ATG2B: variants seen among roughly 807,000 people sequenced by gnomAD.
The protein encoded by ATG2B is autophagy-related protein 2 homolog B.
A neutral mutation model predicts 241.3 loss-of-function variants in ATG2B; 121 were observed. The ratio of observed to expected loss-of-function variants is 0.50; its 90% confidence interval spans 0.43 to 0.58. The LOEUF (loss-of-function observed/expected upper bound fraction) is 0.58. Ranked by LOEUF, ATG2B falls within the 20% of genes least tolerant of loss-of-function variation. ATG2B has a pLI of 0.00. For synonymous variants in ATG2B, 858 were observed against 876.6 expected, an observed-to-expected ratio of 0.98 and a Z score of 0.37; for missense variants, 2,306 against 2,491.6, an observed-to-expected ratio of 0.93 and a Z score of 1.59.
At chr14:96,343,061 C>CA in intron 5 of ATG2B, 58 bp downstream of exon 5, 3 of 1,357,408 alleles carry the variant, frequency 2.2e-6, no homozygotes, top group Non-Finnish European at 2.9e-6. Context: ...TAATAGCCCC[C>CA]ATTTAAACCT....
At chr14:96,309,716 CATT>C (rs1887097763) in intron 28 of ATG2B, 122 bp from the exon 29 acceptor site, 1 of 924,268 alleles carries the variant, frequency 1.1e-6, no homozygotes, top group South Asian at 2.3e-5. Flanking sequence ...GAAACCTACT[CATT>C]TTTCTATGCC....
chr14:96,284,319 A>G lies in ATG2B; in HGVS notation c.*1436T>C, dbSNP rs147991990. On this transcript the variant is annotated 3_prime_UTR_variant, in exon 42 of 42. Transcript: ENST00000359933. ...GTTTTTTGGCAGTAAAAAGGAAACTAAAATTAAAAGCTATATAACCCCATT... is the reference window on the plus strand; with the variant it reads ...GTTTTTTGGCAGTAAAAAGGAAACTGAAATTAAAAGCTATATAACCCCATT... 6.6e-6 allele frequency: 1 copy of G among 152,228 alleles called. No homozygotes were observed. Among genetic ancestry groups the G allele is most frequent in the Non-Finnish European group, 1.5e-5 (1 of 68,030 alleles). The allele number at this position is 152,228 out of a possible 1,614,324, so 9.4% of individuals were successfully genotyped here. A position where few individuals can be genotyped will look rare whatever the true frequency, so the allele number is the denominator to read the frequency against.
In ATG2B at chr14:96,345,085, A is replaced by G; in HGVS notation, c.478+148T>C. 6.5e-6 allele frequency: 4 copies of G among 617,670 alleles called. No homozygotes were observed. In the South Asian group the frequency reaches 9.7e-5, roughly 15 times the overall value. 38.3% of individuals were successfully genotyped at this position (617,670 alleles called of 1,614,324 possible). A position where few individuals can be genotyped will look rare whatever the true frequency, so the allele number is the denominator to read the frequency against. ...CATGCAATTAAATGGAATATTTAAA[A>G]TACCTCAATTCTAAAGTTCTGAAGT... On this transcript the variant is annotated intron_variant, in intron 3 of 41. Transcript: ENST00000359933.
chr14:96,316,615 T>C lies in ATG2B; in HGVS notation c.3279A>G (p.Leu1093=). 6.2e-7 allele frequency: 1 copy of C among 1,613,454 alleles called. No homozygotes were observed. The highest frequency in any genetic ancestry group is 8.5e-7 in the Non-Finnish European group (1 of 1,179,692). The stretch of plus-strand genomic sequence containing the variant: ...AACCTTCATATTTTGTCACACAAAA[T>C]AATGAACCACTATTGAACTCTAACC... ...EFWLEFNSGS[L]FCVTKYEGFD... The change falls in exon 21 of 42, where the codon TTA becomes TTG. Residue 1093 remains leucine, a synonymous_variant. Transcript: ENST00000359933.
At chr14:96,302,374 A>G (rs973904083) in intron 33 of ATG2B, among the ~76,000 whole-genome samples, 1 of 151,982 alleles carries the variant, frequency 6.6e-6, no homozygotes, top group Non-Finnish European at 1.5e-5. Context: ...ACTTGAGTTC[A>G]GGAGTTCCAG....
At chr14:96,349,749 T>C (rs1200863632) in intron 1 of ATG2B, among the ~76,000 whole-genome samples, 2 of 152,060 alleles carry the variant, frequency 1.3e-5, no homozygotes, top group Non-Finnish European at 2.9e-5. Flanking sequence ...GAAGTTCACT[T>C]CCAAAGTACA....
intron 41 of ATG2B, 42 bp from the exon 42 acceptor site, chr14:96,286,027 A>C: frequency 6.5e-7 from 1 of 1,528,596 alleles, no homozygotes; most frequent in Non-Finnish European, 9.0e-7. Flanking sequence ...GGCAGTGAAC[A>C]AACTCTGGTC....
intron 1 of ATG2B, among the ~76,000 whole-genome samples, chr14:96,358,191 T>TG (rs1027974761): frequency 8.6e-5 from 13 of 151,648 alleles, no homozygotes; most frequent in South Asian, 2.1e-4. Context: ...TTCCAGAAAC[T>TG]GGGGGGGGCT....
At chr14:96,329,731 C>A in intron 11 of ATG2B, 97 bp from the exon 12 acceptor site, 1 of 688,478 alleles carries the variant, frequency 1.5e-6, no homozygotes, top group Non-Finnish European at 2.3e-6. Flanking sequence ...ATTAATACTC[C>A]TAAGGAAATT....
rs1475648431 is a variant in ATG2B, at chr14:96,329,569, C to T, written c.1796G>A (p.Ser599Asn). The change falls in exon 12 of 42, where the codon AGT becomes AAT. Residue 599 changes from serine (S) to asparagine (N), a missense_variant. This residue lies in a region of ATG2B where 1,927 missense variants were observed against 2,011.2 expected (regional missense o/e 0.96). Transcript: ENST00000359933. ...CATTTGCCCAATGGACATATCAGTA[C>T]TAAAATATCGGGAAGCTGATCTTTG... ...QRQRSASRYF[S>N]TDMSIGQMEF... 9 of 1,611,300 alleles carry T rather than the reference C, an allele frequency of 5.6e-6. No homozygotes were observed. The highest frequency in any genetic ancestry group is 4.5e-5 in the East Asian group (2 of 44,754).
At chr14:96,320,078 A>T (rs1233227348) in intron 18 of ATG2B, among the ~76,000 whole-genome samples, 1 of 152,170 alleles carries the variant, frequency 6.6e-6, no homozygotes, top group Non-Finnish European at 1.5e-5. Flanking sequence ...ATTAACAGAT[A>T]CATACTCTAA....
chr14:96,308,280 A>ATT (rs1566719988), intron 29 of ATG2B, among the ~76,000 whole-genome samples: 4 of 28,652 alleles, frequency 1.4e-4, no homozygotes, highest in South Asian at 1.8e-3. Context: ...ATATATATAT[A>ATT]TATTTTTTTT....
chr14:96,358,513 C>T (rs1888538973), intron 1 of ATG2B, among the ~76,000 whole-genome samples: 1 of 152,154 alleles, frequency 6.6e-6, no homozygotes, highest in Non-Finnish European at 1.5e-5. Flanking sequence ...TACATTGCAC[C>T]ACTAAGCTAC....
Position 96,363,161 on chromosome 14 carries a change from GCGGAGGCAAGACGCAGAGGGGT to G in ATG2B, c.-207_-186del. 1.6e-6 allele frequency: 1 copy of G among 624,380 alleles called. No homozygotes were observed. Among genetic ancestry groups the G allele is most frequent in the East Asian group, 2.9e-5 (1 of 34,372 alleles). 38.7% of individuals were successfully genotyped at this position (624,380 alleles called of 1,614,324 possible). A position where few individuals can be genotyped will look rare whatever the true frequency, so the allele number is the denominator to read the frequency against. On this transcript the variant is annotated 5_prime_UTR_variant, in exon 1 of 42. It removes the in-frame stop codon of an upstream open reading frame in the 5' UTR. Transcript: ENST00000359933. Reference sequence around the variant, plus strand: ...CGCCGCACCGCTCGCGCTGGGCCTGGCGGAGGCAAGACGCAGAGGGGTCCTCCTGGCCCCAGGCCAGGGGACT... The same window carrying G: ...CGCCGCACCGCTCGCGCTGGGCCTGGCCTCCTGGCCCCAGGCCAGGGGACT...
chr14:96,327,807 T>A (rs144812022), intron 14 of ATG2B, among the ~76,000 whole-genome samples: 3 of 152,238 alleles, frequency 2.0e-5, no homozygotes, highest in African/African-American at 7.2e-5. Flanking sequence ...TGTTATACCA[T>A]CTTCATAACC....
chr14:96,298,795 A>G (rs1398749215), intron 34 of ATG2B, among the ~76,000 whole-genome samples: 1 of 152,232 alleles, frequency 6.6e-6, no homozygotes, highest in Non-Finnish European at 1.5e-5. Flanking sequence ...TCTTCACGGT[A>G]AGGAAAATGT....
At position 96,328,061 on chromosome 14, in the gene ATG2B, CACCTCAGCCTCCT is replaced by C. The variant is rs533876186; in HGVS notation, c.2163+273_2163+285del. Among the ~76,000 whole-genome samples the C allele has an allele frequency of 9.6e-4, 146 of 152,234 alleles. 1 individual carries two copies. The highest frequency in any genetic ancestry group is 3.3e-3 in the African/African-American group (138 of 41,544). On this transcript the variant is annotated intron_variant, in intron 14 of 41. Transcript: ENST00000359933. ...TCGAACTGGCCTCAAGTGATCCTCC[CACCTCAGCCTCCT>C]AAAGTGTTGGGATTACAGGTGTGAG...
intron 11 of ATG2B, 28 bp from the exon 12 acceptor site, chr14:96,329,662 T>C (rs1305825085): frequency 2.1e-6 from 3 of 1,424,000 alleles, no homozygotes; most frequent in South Asian, 1.2e-5. Flanking sequence ...CCATTTAAGA[T>C]TATTAGTGTT....
chr14:96,319,097 A>T (rs1887393147), intron 18 of ATG2B, among the ~76,000 whole-genome samples: 1 of 152,222 alleles, frequency 6.6e-6, no homozygotes, highest in South Asian at 2.1e-4. Context: ...GTGGTGAGGC[A>T]GCCCTGCCCC....
Sources: gnomAD v4.1 joint callset for allele counts (sites outside exome capture counted in the v4.1 genomes callset) on GRCh38, gnomAD v4.1.1 for gene constraint, gnomAD v4.1.1 regional missense constraint, MANE v1.5 for transcripts, NCBI Gene and HGNC (gene_info 2026-07-23, HGNC 2026-07-21) for gene names.